Variants in VWF observed in about 807,000 individuals in gnomAD.
VWF encodes von Willebrand factor, also known as Factor VIII related antigen.
A neutral mutation model predicts 308.6 loss-of-function variants in VWF; 176 were observed. That is an observed-to-expected ratio of 0.57 (90% CI 0.50 to 0.65). The LOEUF (loss-of-function observed/expected upper bound fraction) is 0.65. VWF is among the 30% of genes least tolerant of loss of function. The pLI is 0.00. For missense variants in VWF, 3,146 were observed against 3,648.2 expected, an observed-to-expected ratio of 0.86 and a Z score of 3.55; for synonymous variants, 1,385 against 1,443.4, an observed-to-expected ratio of 0.96 and a Z score of 0.92.
chr12:6,013,967 A>G (rs549071216), intron 31 of VWF, among the ~76,000 whole-genome samples: 296 of 152,278 alleles, frequency 1.9e-3, no homozygotes, highest in African/African-American at 6.6e-3. Flanking sequence ...TGCTTAGGAA[A>G]AAAACAAAAT....
At chr12:6,054,221 C>T (rs905934552) in intron 15 of VWF, among the ~76,000 whole-genome samples, 15 of 152,218 alleles carry the variant, frequency 9.9e-5, no homozygotes, top group African/African-American at 3.6e-4. Flanking sequence ...CTACAACCAC[C>T]CTGAACTTGG....
At position 6,103,401 on chromosome 12, in the gene VWF, T is replaced by C. The variant is rs573656341; in HGVS notation, c.532+6973A>G. The stretch of plus-strand genomic sequence containing the variant: ...GTGTATACACGTGTGTGTATACACG[T>C]GTGTGTATACACACGTGTGTGTATA... On this transcript the variant is annotated intron_variant, in intron 5 of 51. Transcript: ENST00000261405. 3.1e-3 allele frequency among the ~76,000 whole-genome samples: 347 copies of C among 110,506 alleles called. 7 individuals are homozygous for C. The highest frequency in any genetic ancestry group is 6.6e-3 in the South Asian group (28 of 4,252). The allele number at this position is 110,506 out of a possible 152,430, so 72.5% of individuals were successfully genotyped here.
At chr12:6,078,787 C>T (rs548536150) in intron 6 of VWF, among the ~76,000 whole-genome samples, 17 of 152,300 alleles carry the variant, frequency 1.1e-4, no homozygotes, top group Admixed American at 3.9e-4. Flanking sequence ...CTCTCAGAGC[C>T]GTGACCAGAC....
rs777392958 is a variant in VWF at position 5,952,579 on chromosome 12, A to C, written c.7987-60T>G. On this transcript the variant is annotated intron_variant, in intron 48 of 51. Transcript: ENST00000261405. ...AGTGTTTGGTTCACAAAGCCACTTC[A>C]AACCATGAGCTTGACTCCATGGAGA... is the stretch of plus-strand genomic sequence containing the variant. 2.8e-4 allele frequency: 443 copies of C among 1,596,300 alleles called. 2 individuals carry two copies. The highest frequency in any genetic ancestry group is 3.6e-4 in the Non-Finnish European group (419 of 1,170,576).
In VWF at chr12:5,994,534, A is replaced by C. The variant is rs1185879568; in HGVS notation, c.6137T>G (p.Ile2046Ser). The part of the protein sequence containing the change: ...GNMEVNVYGA[I>S]MHEVRFNHLG... Reference sequence around the variant, plus strand: ...GTGATTGAATCTGACCTCATGCATGATGGCACCATAAACGTTGACTTCCAT... The same window carrying C: ...GTGATTGAATCTGACCTCATGCATGCTGGCACCATAAACGTTGACTTCCAT... The change falls in exon 36 of 52, where the codon ATC becomes AGC. Residue 2046 changes from isoleucine (I) to serine (S), a missense_variant. Ile to Ser is a moderately radical substitution (Grantham distance 142). Around this residue, in one of 3 missense-constraint regions of VWF, gnomAD observed 989 missense variants for 1,117.4 expected, o/e 0.89. Coordinates refer to ENST00000261405, the MANE Select transcript of VWF (RefSeq NM_000552.5). The C allele has an allele frequency of 6.2e-7, 1 of 1,613,924 alleles. No individual in the cohort carries two copies. Among genetic ancestry groups the C allele is most frequent in the Non-Finnish European group, 8.5e-7 (1 of 1,179,930 alleles).
At chr12:5,986,891 G>A (rs920996610) in intron 38 of VWF, among the ~76,000 whole-genome samples, 5 of 150,152 alleles carry the variant, frequency 3.3e-5, no homozygotes, top group Admixed American at 6.7e-5. Flanking sequence ...TCCATGGTTT[G>A]TTTCTTTGTT....
chr12:6,026,526 G>A (rs1944194737), intron 22 of VWF, among the ~76,000 whole-genome samples: 1 of 152,152 alleles, frequency 6.6e-6, no homozygotes, highest in Non-Finnish European at 1.5e-5. Flanking sequence ...AGAGTAGGCT[G>A]GGCAGAATTC....
Position 6,072,412 on chromosome 12 carries a change from A to G in VWF, c.1028T>C (p.Val343Ala), listed in dbSNP as rs779463835. Residue 343 changes from valine (V) to alanine (A), a missense_variant, in exon 9 of 52, where the codon GTG (valine) becomes GCG (alanine). Transcript: ENST00000261405. ...EGQLLDEGLC[V>A]ESTECPCVHS... is the part of the protein sequence containing the mutation. ...CACGCAGGGACACTCGGTGCTCTCC[A>G]CGCAGAGGCCTTCATCCAGGAGCTG... 4 of 1,614,132 alleles carry G rather than the reference A, an allele frequency of 2.5e-6. No homozygotes were observed. Among genetic ancestry groups the G allele is most frequent in the South Asian group, 1.1e-5 (1 of 91,078 alleles).
At chr12:5,991,461 T>C (rs892328578) in intron 38 of VWF, among the ~76,000 whole-genome samples, 2 of 152,184 alleles carry the variant, frequency 1.3e-5, no homozygotes, top group African/African-American at 2.4e-5. Context: ...TAATCTCTCT[T>C]AACAATGGCA....
intron 34 of VWF, among the ~76,000 whole-genome samples, chr12:6,005,805 T>C (rs1458934513): frequency 6.6e-6 from 1 of 152,170 alleles, no homozygotes; most frequent in Non-Finnish European, 1.5e-5. Context: ...GACTTTCTCA[T>C]GTGCACAAAA....
At chr12:6,039,903 A>G (rs1362346436) in intron 18 of VWF, among the ~76,000 whole-genome samples, 1 of 151,940 alleles carries the variant, frequency 6.6e-6, no homozygotes, top group Non-Finnish European at 1.5e-5. Context: ...AGTTTGGGAG[A>G]TGTAGCTGCT....
Position 5,968,140 on chromosome 12 carries a change from C to G in VWF, c.7757G>C (p.Gly2586Ala), listed in dbSNP as rs781531963. 1 of 1,614,084 alleles carries G rather than the reference C, an allele frequency of 6.2e-7. No individual in the cohort carries two copies. The highest frequency in any genetic ancestry group is 2.2e-5 in the East Asian group (1 of 44,880). ...CERMEACMLNGTVIGPGKTVM... is the reference protein window; with the variant it reads ...CERMEACMLNATVIGPGKTVM... ...ACAGCGGCTCACCCCAATGACAGTG[C>G]CATTGAGCATGCAGGCCTCCATGCG... Residue 2586 changes from glycine to alanine, a missense_variant, in exon 46 of 52, where the codon GGC (glycine) becomes GCC (alanine). Gly to Ala is a moderately conservative substitution (Grantham distance 60). Around this residue, in one of 3 missense-constraint regions of VWF, gnomAD observed 989 missense variants for 1,117.4 expected, o/e 0.89. Transcript: ENST00000261405.
intron 3 of VWF, among the ~76,000 whole-genome samples, chr12:6,115,073 A>G (rs547391991): frequency 2.6e-5 from 4 of 152,270 alleles, no homozygotes; most frequent in South Asian, 4.1e-4. Context: ...GTCTTGCTCT[A>G]TCGCTCAGGA....
At chr12:5,983,312 C>A in intron 40 of VWF, 58 bp from the exon 41 acceptor site, 1 of 1,531,272 alleles carries the variant, frequency 6.5e-7, no homozygotes. Flanking sequence ...TCTTTTATTA[C>A]CTGTGAGTGG....
chr12:6,021,869 T>TC, intron 27 of VWF, 31 bp downstream of exon 27: 1 of 1,614,122 alleles, frequency 6.2e-7, no homozygotes, highest in Non-Finnish European at 8.5e-7. Flanking sequence ...ATAAGATTCA[T>TC]CACTTCAAAC....
In VWF at chr12:6,019,658, G is replaced by A; in HGVS notation, c.3760C>T (p.Pro1254Ser). ...ATGTCCTCCACATACAGAGTGGTGG[G>A]GCTCACCGGGGCATCTGTGGGAGGC... Reference protein sequence around the residue: ...VVPPTDAPVSPTTLYVEDISE... With the variant: ...VVPPTDAPVSSTTLYVEDISE... The change falls in exon 28 of 52, where the codon CCC (proline) becomes TCC (serine). Residue 1254 changes from proline (P) to serine (S), a missense_variant. Pro to Ser is a moderately conservative substitution (Grantham distance 74, BLOSUM62 -1). Coordinates refer to ENST00000261405, the MANE Select transcript of VWF (RefSeq NM_000552.5). The surrounding 1 kb of genome is among the most constrained non-coding windows in gnomAD (Gnocchi z 5.8). The A allele has an allele frequency of 1.2e-6, 2 of 1,613,848 alleles. No homozygotes were observed. Among genetic ancestry groups the A allele is most frequent in the South Asian group, 2.2e-5 (2 of 91,064 alleles).
intron 46 of VWF, 40 bp from the exon 47 acceptor site, chr12:5,967,642 C>T (rs1403241627): frequency 3.8e-6 from 6 of 1,567,636 alleles, no homozygotes; most frequent in Non-Finnish European, 5.2e-6. Context: ...CCCAGCATCC[C>T]CCAACCCCCC....
chr12:6,057,311 A>ATTTTTTTTTTTTTTTTTTTTTTT (rs1250165048), intron 14 of VWF, among the ~76,000 whole-genome samples: 1 of 129,428 alleles, frequency 7.7e-6, no homozygotes, highest in African/African-American at 3.1e-5. Context: ...GGACTATGGA[A>ATTTTTTTTTTTTTTTTTTTTTTT]TTTTTTTTTT....
intron 46 of VWF, 135 bp from the exon 47 acceptor site, chr12:5,967,737 A>G: frequency 1.2e-6 from 1 of 827,234 alleles, no homozygotes; most frequent in South Asian, 1.4e-5. Context: ...CCTGTCTCCT[A>G]TGGCCCACTG....
Sources: allele counts gnomAD v4.1 joint callset (sites outside exome capture counted in the v4.1 genomes callset), GRCh38; gene constraint gnomAD v4.1.1; regional missense constraint gnomAD v4.1.1; non-coding constraint Gnocchi (gnomAD v3.1); transcripts MANE v1.5; gene names NCBI Gene and HGNC (gene_info 2026-07-23, HGNC 2026-07-21).